The following MCC variants were observed in gnomAD, a reference collection of about 807,000 sequenced individuals.
The protein encoded by MCC is colorectal mutant cancer protein.
A neutral mutation model predicts 116.2 loss-of-function variants in MCC; 90 were observed. That is an observed-to-expected ratio of 0.77 (90% confidence interval 0.65 to 0.92). MCC has a LOEUF of 0.92. MCC is among the 40% of genes least tolerant of loss of function. The pLI is 0.00. For synonymous variants in MCC, 578 were observed against 510.5 expected, an observed-to-expected ratio of 1.13 and a Z score of -1.78; for missense variants, 1,516 against 1,312.2, an observed-to-expected ratio of 1.16 and a Z score of -2.40.
At chr5:113,443,815 T>C (rs945658447) in intron 1 of MCC, among the ~76,000 whole-genome samples, 1 of 152,204 alleles carries the variant, frequency 6.6e-6, no homozygotes, top group Non-Finnish European at 1.5e-5. Context: ...TTTGCATATG[T>C]TGAACCAGCC....
chr5:113,274,588 T>C (rs1388130888), intron 3 of MCC, among the ~76,000 whole-genome samples: 2 of 152,204 alleles, frequency 1.3e-5, no homozygotes, highest in African/African-American at 4.8e-5. Context: ...CTTGAACTCC[T>C]GACCTTTAGT....
chr5:113,421,086 C>T lies in MCC; in HGVS notation c.171-35874G>A, dbSNP rs141329773. ...TTGCCTAGGCTGGAGTACAGTGGCACGATATCAGCTCACTGCAACCTCTGT... is the reference window on the plus strand; with the variant it reads ...TTGCCTAGGCTGGAGTACAGTGGCATGATATCAGCTCACTGCAACCTCTGT... On this transcript the variant is annotated intron_variant, in intron 1 of 18. Coordinates refer to ENST00000408903, the MANE Select transcript of MCC (RefSeq NM_001085377.2). 3.6e-3 allele frequency among the ~76,000 whole-genome samples: 545 copies of T among 151,940 alleles called. 9 individuals carry two copies. The highest frequency in any genetic ancestry group is 0.012 in the African/African-American group (515 of 41,440).
chr5:113,272,389 T>C (rs997744506), intron 3 of MCC, among the ~76,000 whole-genome samples: 15 of 152,188 alleles, frequency 9.9e-5, no homozygotes, highest in African/African-American at 3.1e-4. Context: ...CAGAGGAGCC[T>C]GCAAGTATAA....
At position 113,161,813 on chromosome 5, in the gene MCC, C is replaced by T. The variant is rs555401493; in HGVS notation, c.628-10391G>A. Among the ~76,000 whole-genome samples, 9 of 152,332 alleles carry T rather than the reference C, an allele frequency of 5.9e-5. No homozygotes were observed. In the East Asian group the frequency reaches 1.5e-3, roughly 26 times the overall value. On this transcript the variant is annotated intron_variant, in intron 3 of 18. Transcript: ENST00000408903. ...ATGTCAGCTATTTAGATATTCAATA[C>T]AATCATTTTTAAATGCATTCCCATC...
At chr5:113,290,803 A>G (rs2150360964) in intron 3 of MCC, among the ~76,000 whole-genome samples, 1 of 152,314 alleles carries the variant, frequency 6.6e-6, no homozygotes, top group Non-Finnish European at 1.5e-5. Flanking sequence ...GGTTGAATTC[A>G]AACATTTAGT....
chr5:113,114,017 T>C (rs542817657), intron 6 of MCC, among the ~76,000 whole-genome samples: 1 of 151,808 alleles, frequency 6.6e-6, no homozygotes, highest in South Asian at 2.1e-4. Context: ...AGAAGGTTCC[T>C]TCTTAAAAGG....
intron 14 of MCC, among the ~76,000 whole-genome samples, chr5:113,059,686 T>C (rs1753083532): frequency 6.6e-6 from 1 of 152,340 alleles, no homozygotes; most frequent in South Asian, 2.1e-4. Flanking sequence ...CTAGGATGTG[T>C]GGGTTTCTCC....
chr5:113,225,055 C>T (rs191008232), intron 3 of MCC, among the ~76,000 whole-genome samples: 23 of 152,254 alleles, frequency 1.5e-4, no homozygotes, highest in Non-Finnish European at 2.6e-4. Flanking sequence ...AAGAGCCAAG[C>T]GACTGACATG....
intron 3 of MCC, among the ~76,000 whole-genome samples, chr5:113,273,937 C>G (rs1489490108): frequency 6.6e-6 from 1 of 152,204 alleles, no homozygotes; most frequent in Admixed American, 6.5e-5. Flanking sequence ...TAATTGCACT[C>G]CTAATTATGG....
chr5:113,178,439 T>C (rs372334493), intron 3 of MCC, among the ~76,000 whole-genome samples: 1 of 152,118 alleles, frequency 6.6e-6, no homozygotes, highest in Non-Finnish European at 1.5e-5. Context: ...CAAGGGTAGA[T>C]GGGGGATTGC....
At chr5:113,338,859 C>A (rs1485270118) in intron 3 of MCC, among the ~76,000 whole-genome samples, 1 of 152,106 alleles carries the variant, frequency 6.6e-6, no homozygotes, top group African/African-American at 2.4e-5. Flanking sequence ...GAAGTGTGGC[C>A]AAGTGACAAA....
intron 5 of MCC, among the ~76,000 whole-genome samples, chr5:113,130,547 C>T (rs1055023609): frequency 8.5e-5 from 13 of 152,300 alleles, no homozygotes; most frequent in African/African-American, 2.4e-4. Context: ...TCCCCTCCAA[C>T]TCTCATGTAG....
intron 3 of MCC, among the ~76,000 whole-genome samples, chr5:113,251,227 C>A (rs1293857000): frequency 6.6e-6 from 1 of 152,206 alleles, no homozygotes; most frequent in Non-Finnish European, 1.5e-5. Flanking sequence ...ATATTTACAT[C>A]AATCTGGCCA....
intron 13 of MCC, among the ~76,000 whole-genome samples, 166 bp downstream of exon 13, chr5:113,067,914 C>T (rs949940101): frequency 6.6e-6 from 1 of 152,200 alleles, no homozygotes; most frequent in African/African-American, 2.4e-5. Flanking sequence ...TTGCTGCATT[C>T]AACATAAACA....
chr5:113,275,231 A>G (rs1765778752), intron 3 of MCC, among the ~76,000 whole-genome samples: 1 of 152,232 alleles, frequency 6.6e-6, no homozygotes. Context: ...CTCTGACTCT[A>G]AGAGCTAAAT....
At chr5:113,033,781 G>T (rs1452998667) in intron 17 of MCC, among the ~76,000 whole-genome samples, 2 of 152,186 alleles carry the variant, frequency 1.3e-5, no homozygotes, top group African/African-American at 4.8e-5. Flanking sequence ...TGTGACAACT[G>T]AAGTCCCCCA....
chr5:113,259,684 T>C (rs1765150400), intron 3 of MCC, among the ~76,000 whole-genome samples: 1 of 152,110 alleles, frequency 6.6e-6, no homozygotes, highest in Non-Finnish European at 1.5e-5. Context: ...TTCGAACTCC[T>C]AGAACATGTT....
chr5:113,227,756 C>T (rs188890679), intron 3 of MCC, among the ~76,000 whole-genome samples: 20 of 152,256 alleles, frequency 1.3e-4, no homozygotes, highest in Admixed American at 9.2e-4. Context: ...AGGAGATGGA[C>T]GCCAAACACA....
At chr5:113,483,534 A>G (rs1362502359) in intron 1 of MCC, among the ~76,000 whole-genome samples, 2 of 152,188 alleles carry the variant, frequency 1.3e-5, no homozygotes, top group Admixed American at 6.5e-5. Flanking sequence ...TTATTTTTGT[A>G]TATTTCTATA....
Sources: allele counts gnomAD v4.1 joint callset (sites outside exome capture counted in the v4.1 genomes callset), GRCh38; gene constraint gnomAD v4.1.1; transcripts MANE v1.5; gene names NCBI Gene and HGNC (gene_info 2026-07-23, HGNC 2026-07-21).